The following SORBS2 variants were observed in gnomAD, a reference collection of about 807,000 sequenced individuals.
SORBS2 encodes the protein sorbin and SH3 domain containing 2.
Under a neutral mutation model 97.7 loss-of-function variants are expected in SORBS2, and 46 were observed. The ratio of observed to expected loss-of-function variants is 0.47; its 90% CI spans 0.37 to 0.60. The LOEUF (loss-of-function observed/expected upper bound fraction) is 0.60. Ranked by LOEUF, SORBS2 falls within the 20% of genes least tolerant of loss-of-function variation. The pLI, the probability that SORBS2 is intolerant of heterozygous loss-of-function variation, is 0.00. For missense variants in SORBS2, 1,316 were observed against 1,282.3 expected (o/e 1.03, Z -0.40); for synonymous variants, 476 against 473.4 (o/e 1.01, Z -0.07).
intron 1 of SORBS2, among the ~76,000 whole-genome samples, chr4:185,816,252 C>T (rs905645504): frequency 1.1e-4 from 16 of 142,190 alleles, no homozygotes; most frequent in Admixed American, 4.3e-4. Context: ...AGGTTCTTCT[C>T]TAGTCACATC....
At chr4:185,590,298 G>A (rs1248413172) in intron 13 of SORBS2, among the ~76,000 whole-genome samples, 1 of 152,152 alleles carries the variant, frequency 6.6e-6, no homozygotes, top group Non-Finnish European at 1.5e-5. Flanking sequence ...TAGACAAAAT[G>A]TGTCAGACAT....
chr4:185,713,665 G>A (rs1008708095), intron 2 of SORBS2, among the ~76,000 whole-genome samples: 1 of 152,212 alleles, frequency 6.6e-6, no homozygotes, highest in African/African-American at 2.4e-5. Context: ...TTAGGCAAAT[G>A]CAGAAATATT....
chr4:185,941,823 A>G (rs1381104322), intron 1 of SORBS2, among the ~76,000 whole-genome samples: 1 of 152,156 alleles, frequency 6.6e-6, no homozygotes, highest in East Asian at 1.9e-4. Context: ...TAAGAAAAGT[A>G]AGACTTGGAT....
In SORBS2 at chr4:185,604,608, C is replaced by G. The variant is rs926639631; in HGVS notation, c.2796+7172G>C. Among the ~76,000 whole-genome samples the G allele has an allele frequency of 1.4e-4, 21 of 152,294 alleles. No individual in the cohort carries two copies. In the East Asian group the frequency reaches 2.1e-3, roughly 15 times the overall value. On this transcript the variant is annotated intron_variant, in intron 12 of 14. Transcript: ENST00000418609. ...ACATGCTCTTTACGGAATTTCCTCT[C>G]AACTTCCAACATTTTAAAGTTACTA... is the stretch of plus-strand genomic sequence containing the variant.
intron 2 of SORBS2, among the ~76,000 whole-genome samples, chr4:185,692,601 G>A (rs1203882426): frequency 6.6e-6 from 1 of 152,032 alleles, no homozygotes; most frequent in Non-Finnish European, 1.5e-5. Context: ...CATTACTGAT[G>A]AAAAATTATA....
intron 1 of SORBS2, among the ~76,000 whole-genome samples, chr4:185,954,316 T>A (rs1238317376): frequency 6.6e-6 from 1 of 152,226 alleles, no homozygotes; most frequent in Non-Finnish European, 1.5e-5. Flanking sequence ...CACATACATT[T>A]AAAAAATCTT....
At chr4:185,722,118 C>CA (rs2098519428) in intron 2 of SORBS2, among the ~76,000 whole-genome samples, 1 of 152,078 alleles carries the variant, frequency 6.6e-6, no homozygotes, top group Admixed American at 6.5e-5. Context: ...GAACTACCCA[C>CA]AAAAATAAAC....
chr4:185,821,668 C>T (rs187888344), intron 1 of SORBS2, among the ~76,000 whole-genome samples: 65 of 152,342 alleles, frequency 4.3e-4, no homozygotes, highest in African/African-American at 1.5e-3. Flanking sequence ...AGGTGATCTG[C>T]CCGCCTCAGC....
rs1288748201 is a variant in SORBS2 at position 185,868,147 on chromosome 4, C to CTTTCTTTCTTTTTTTTTTTTT, written c.-338+88048_-338+88049insAAAAAAAAAAAAAGAAAGAAA. On this transcript the variant is annotated intron_variant, in intron 1 of 20. Coordinates refer to the SORBS2 transcript ENST00000284776. ...TCTACTTTCCTTTCTCTTTTCTTTTCTTTTTTTCTTTCTTTTTTTTTTTTT... is the reference window on the plus strand; with the variant it reads ...TCTACTTTCCTTTCTCTTTTCTTTTCTTTCTTTCTTTTTTTTTTTTTTTTTTTTCTTTCTTTTTTTTTTTTT... Among the ~76,000 whole-genome samples the CTTTCTTTCTTTTTTTTTTTTT allele has an allele frequency of 3.9e-4, 35 of 89,786 alleles. 5 individuals carry two copies. Among genetic ancestry groups the CTTTCTTTCTTTTTTTTTTTTT allele is most frequent in the African/African-American group, 1.0e-3 (21 of 21,012 alleles). The allele number at this position is 89,786 out of a possible 152,430, so 58.9% of individuals were successfully genotyped here. A position where few individuals can be genotyped will look rare whatever the true frequency, so the allele number is the denominator to read the frequency against.
At chr4:185,782,912 T>G (rs1369608484) in intron 1 of SORBS2, among the ~76,000 whole-genome samples, 1 of 152,222 alleles carries the variant, frequency 6.6e-6, no homozygotes, top group East Asian at 1.9e-4. Context: ...CAGGAAGGCT[T>G]GCTATGGCCC....
Position 185,900,813 on chromosome 4 carries a change from G to T in SORBS2, c.-338+55383C>A, listed in dbSNP as rs113683789. On this transcript the variant is annotated intron_variant, in intron 1 of 20. Coordinates refer to the SORBS2 transcript ENST00000284776. ...AAACAGAGAGAGAGAGAGACAGAGA[G>T]AATTATATTTCAGACCAAGAATCTG... Among the ~76,000 whole-genome samples the T allele has an allele frequency of 7.1e-3, 1,074 of 152,156 alleles. 11 individuals carry two copies. The highest frequency in any genetic ancestry group is 0.024 in the African/African-American group (994 of 41,512).
intron 1 of SORBS2, among the ~76,000 whole-genome samples, chr4:185,910,375 C>A (rs546124708): frequency 2.0e-5 from 3 of 152,268 alleles, no homozygotes; most frequent in African/African-American, 7.2e-5. Context: ...TCCTTCAAAA[C>A]CCCTTTATGA....
At chr4:185,883,161 G>A (rs961624278) in intron 1 of SORBS2, among the ~76,000 whole-genome samples, 1 of 152,056 alleles carries the variant, frequency 6.6e-6, no homozygotes, top group Non-Finnish European at 1.5e-5. Flanking sequence ...CTTATCAGGA[G>A]AAGAACTTAT....
At chr4:185,865,755 AC>A (rs1453842013) in intron 1 of SORBS2, among the ~76,000 whole-genome samples, 6 of 152,222 alleles carry the variant, frequency 3.9e-5, no homozygotes, top group East Asian at 1.9e-4. Flanking sequence ...GTCTCAGAGA[AC>A]GCTAGTCAAG....
intron 1 of SORBS2, among the ~76,000 whole-genome samples, chr4:185,868,037 A>T (rs1037272193): frequency 1.3e-5 from 2 of 152,032 alleles, no homozygotes; most frequent in Admixed American, 1.3e-4. Context: ...AGTTCATTTC[A>T]GCCTCCATAA....
At chr4:185,817,595 C>T (rs2153669667) in intron 1 of SORBS2, among the ~76,000 whole-genome samples, 1 of 152,284 alleles carries the variant, frequency 6.6e-6, no homozygotes, top group East Asian at 1.9e-4. Context: ...GGGCAACGTG[C>T]CACCCTACCC....
intron 1 of SORBS2, among the ~76,000 whole-genome samples, chr4:185,823,033 C>G (rs573843225): frequency 1.3e-5 from 2 of 152,322 alleles, no homozygotes; most frequent in East Asian, 3.9e-4. Flanking sequence ...CCACAGGTAG[C>G]TACTCTGTGT....
At chr4:185,658,077 G>T (rs1240535152), upstream of SORBS2, among the ~76,000 whole-genome samples, 2 of 152,060 alleles carry the variant, frequency 1.3e-5, no homozygotes, top group East Asian at 3.8e-4. Flanking sequence ...TCCAGACAAA[G>T]ACATGACTGT....
At chr4:185,707,537 A>G (rs1417486410) in intron 2 of SORBS2, among the ~76,000 whole-genome samples, 1 of 152,124 alleles carries the variant, frequency 6.6e-6, no homozygotes, top group African/African-American at 2.4e-5. Context: ...TCATGGGTAC[A>G]AGGCACATAA....
Sources: allele counts gnomAD v4.1 joint callset (sites outside exome capture counted in the v4.1 genomes callset), GRCh38; gene constraint gnomAD v4.1.1; transcripts MANE v1.5; gene names NCBI Gene and HGNC (gene_info 2026-07-23, HGNC 2026-07-21).